The following PBX3 variants were observed in gnomAD, a reference collection of about 807,000 sequenced individuals.
PBX3 encodes PBX homeobox 3, also known as pre-B-cell leukemia transcription factor 3.
PBX3 carries 14 observed loss-of-function variants against 48.5 expected under a neutral mutation model. The ratio of observed to expected loss-of-function variants is 0.29; its 90% CI spans 0.19 to 0.45. The LOEUF (loss-of-function observed/expected upper bound fraction) is 0.45. Among genes scored for constraint, PBX3 ranks in the 20% least tolerant of loss-of-function variants. The pLI, the probability that PBX3 is intolerant of heterozygous loss-of-function variation, is 1.00. For missense variants in PBX3, 386 were observed against 546.7 expected, an observed-to-expected ratio of 0.71 and a Z score of 2.93; for synonymous variants, 210 against 200.3, an observed-to-expected ratio of 1.05 and a Z score of -0.41.
intron 3 of PBX3, among the ~76,000 whole-genome samples, chr9:125,924,904 C>G (rs1841539088): frequency 6.6e-6 from 1 of 152,106 alleles, no homozygotes; most frequent in Admixed American, 6.6e-5. Context: ...TGCCAAATAC[C>G]CAACTCCATA....
intron 2 of PBX3, among the ~76,000 whole-genome samples, chr9:125,839,998 G>A (rs1198343643): frequency 2.0e-5 from 3 of 152,140 alleles, no homozygotes; most frequent in African/African-American, 7.2e-5. Context: ...TGGGCTTTGA[G>A]GAGCACTATG....
chr9:125,754,963 T>C (rs1836473041), intron 2 of PBX3, among the ~76,000 whole-genome samples: 1 of 152,130 alleles, frequency 6.6e-6, no homozygotes, highest in Non-Finnish European at 1.5e-5. Flanking sequence ...GTTTAGACAA[T>C]AACTCTTTTT....
intron 2 of PBX3, among the ~76,000 whole-genome samples, chr9:125,764,633 G>A (rs749591671): frequency 6.6e-6 from 1 of 152,178 alleles, no homozygotes; most frequent in Non-Finnish European, 1.5e-5. Context: ...TCAATTTTTA[G>A]TTAGCAATAC....
intron 3 of PBX3, among the ~76,000 whole-genome samples, chr9:125,928,722 C>T (rs1474331126): frequency 2.0e-5 from 3 of 152,152 alleles, no homozygotes; most frequent in Non-Finnish European, 4.4e-5. Context: ...GCCTCAGCCT[C>T]CCAATGTGCT....
At chr9:125,950,293 G>A (rs754554262) in intron 5 of PBX3, among the ~76,000 whole-genome samples, 4 of 152,256 alleles carry the variant, frequency 2.6e-5, no homozygotes, top group East Asian at 1.9e-4. Context: ...CTGTAAGGGC[G>A]TCAGCACATT....
rs114160923 is a variant in PBX3, at chr9:125,767,709, A to T, written c.274+19086A>T. On this transcript the variant is annotated intron_variant, in intron 2 of 8. Transcript: ENST00000373489. ...CCTTGGGTTAACAATAGCTTTGTAG[A>T]GGTAGACTTTTTAAAAAACTACATT... Among the ~76,000 whole-genome samples, 588 of 152,314 alleles carry T rather than the reference A, an allele frequency of 3.9e-3. 6 individuals are homozygous for T. The highest frequency in any genetic ancestry group is 0.014 in the African/African-American group (569 of 41,574).
intron 2 of PBX3, among the ~76,000 whole-genome samples, chr9:125,910,687 T>C (rs1841183058): frequency 6.6e-6 from 1 of 151,388 alleles, no homozygotes; most frequent in African/African-American, 2.4e-5. Flanking sequence ...GATTAGACAC[T>C]AACATTGGCT....
At chr9:125,960,593 A>G in intron 5 of PBX3, 91 bp from the exon 6 acceptor site, 1 of 1,124,986 alleles carries the variant, frequency 8.9e-7, no homozygotes, top group Non-Finnish European at 1.3e-6. Flanking sequence ...TGTGTCTCCC[A>G]AGGTATTGCC....
chr9:125,865,403 T>C (rs1201542353), intron 2 of PBX3: 1 of 165,448 alleles, frequency 6.0e-6, no homozygotes, highest in Non-Finnish European at 1.5e-5. Context: ...GGAATTTCTG[T>C]AGTATCTTTT....
At chr9:125,938,579 C>T (rs2132538085) in intron 5 of PBX3, among the ~76,000 whole-genome samples, 1 of 152,182 alleles carries the variant, frequency 6.6e-6, no homozygotes, top group Admixed American at 6.5e-5. Flanking sequence ...AGTATTTCAT[C>T]CAAGAACATA....
Position 125,748,541 on chromosome 9 carries a change from G to GT in PBX3, c.201-3dup. On this transcript the variant is annotated splice_polypyrimidine_tract_variant and intron_variant, in intron 1 of 8. Coordinates refer to ENST00000373489, the MANE Select transcript of PBX3 (RefSeq NM_006195.6). ...CTAATACCTTTGTGTTTCGTTATTT[G>GT]TTTTTTAGGAAACATGCCCTGAACT... 2 of 1,613,284 alleles carry GT rather than the reference G, an allele frequency of 1.2e-6. No homozygotes were observed. The highest frequency in any genetic ancestry group is 1.7e-6 in the Non-Finnish European group (2 of 1,179,490).
rs546915977 is a variant in PBX3 at position 125,921,890 on chromosome 9, G to A, written c.516+5963G>A. Among the ~76,000 whole-genome samples, 4 of 152,214 alleles carry A rather than the reference G, an allele frequency of 2.6e-5. No homozygotes were observed. In the South Asian group the frequency reaches 8.3e-4, roughly 32 times the overall value. On this transcript the variant is annotated intron_variant, in intron 3 of 8. Transcript: ENST00000373489. ...TCAAAAGTGGGCTTTAGAATATTAT[G>A]ATCTGTTTACAGTTAGCTTTTCTTG...
chr9:125,937,480 A>C (rs1259742225), intron 5 of PBX3, among the ~76,000 whole-genome samples: 1 of 152,160 alleles, frequency 6.6e-6, no homozygotes, highest in Non-Finnish European at 1.5e-5. Context: ...TAGAAATAAT[A>C]TAGATATAGC....
At chr9:125,848,717 AT>A (rs1228880925) in intron 2 of PBX3, among the ~76,000 whole-genome samples, 1 of 152,014 alleles carries the variant, frequency 6.6e-6, no homozygotes, top group Non-Finnish European at 1.5e-5. Context: ...TTTTCTGGGT[AT>A]TGTTCTAGAC....
At chr9:125,792,284 A>AT (rs368815130) in intron 2 of PBX3, among the ~76,000 whole-genome samples, 7 of 152,274 alleles carry the variant, frequency 4.6e-5, no homozygotes, top group African/African-American at 1.7e-4. Flanking sequence ...AGGAAACAGC[A>AT]TTTTCAAAGG....
intron 2 of PBX3, among the ~76,000 whole-genome samples, chr9:125,757,789 G>A (rs1422854108): frequency 6.6e-6 from 1 of 152,116 alleles, no homozygotes; most frequent in Non-Finnish European, 1.5e-5. Flanking sequence ...TTATGCAGAG[G>A]TTTTCTCAGA....
intron 3 of PBX3, among the ~76,000 whole-genome samples, chr9:125,922,535 C>T (rs2132489230): frequency 6.6e-6 from 1 of 152,240 alleles, no homozygotes; most frequent in Non-Finnish European, 1.5e-5. Context: ...TTGTAACTGA[C>T]AGTTTCACTT....
intron 2 of PBX3, among the ~76,000 whole-genome samples, chr9:125,891,740 T>A (rs1283927735): frequency 6.6e-6 from 1 of 152,214 alleles, no homozygotes; most frequent in Non-Finnish European, 1.5e-5. Context: ...ACCATGTGTA[T>A]CTATGTATCA....
At chr9:125,957,589 A>G (rs1160596560) in intron 5 of PBX3, among the ~76,000 whole-genome samples, 2 of 152,272 alleles carry the variant, frequency 1.3e-5, no homozygotes, top group Admixed American at 6.5e-5. Flanking sequence ...GAGATTCCTC[A>G]ATTATGAAAC....
Sources: gnomAD v4.1 joint callset for allele counts (sites outside exome capture counted in the v4.1 genomes callset) on GRCh38, gnomAD v4.1.1 for gene constraint, MANE v1.5 for transcripts, NCBI Gene and HGNC (gene_info 2026-07-23, HGNC 2026-07-21) for gene names.